GPAT3: variants seen among roughly 807,000 people sequenced by gnomAD.
GPAT3 encodes glycerol-3-phosphate acyltransferase 3.
GPAT3 carries 53 observed loss-of-function variants against 58.8 expected under a neutral mutation model. That is an observed-to-expected ratio of 0.90 (90% CI 0.72 to 1.13). The LOEUF (loss-of-function observed/expected upper bound fraction) is 1.13, where lower values mean the gene tolerates loss of function less well. GPAT3 is among the 50% of genes most tolerant of loss of function. The pLI is 0.00. For missense variants in GPAT3, 511 were observed against 527.6 expected (o/e 0.97, Z 0.31); for synonymous variants, 197 against 187.4 (o/e 1.05, Z -0.42).
chr4:83,545,125 G>A (rs1470346160), intron 2 of GPAT3, among the ~76,000 whole-genome samples: 1 of 152,112 alleles, frequency 6.6e-6, no homozygotes, highest in Non-Finnish European at 1.5e-5. Context: ...ACTAATAAAG[G>A]CTCAGAAAAG....
intron 2 of GPAT3, among the ~76,000 whole-genome samples, chr4:83,568,845 C>T (rs1459920530): frequency 6.6e-6 from 1 of 152,180 alleles, no homozygotes; most frequent in Non-Finnish European, 1.5e-5. Context: ...TCAATTCCCC[C>T]ACTTCCAATA....
intron 7 of GPAT3, 79 bp from the exon 8 acceptor site, chr4:83,596,779 T>G (rs1726857157): frequency 9.2e-7 from 1 of 1,083,240 alleles, no homozygotes. Flanking sequence ...ATTGTGCCAG[T>G]AAAGTGCAAG....
At chr4:83,566,248 A>G (rs943161800) in intron 2 of GPAT3, among the ~76,000 whole-genome samples, 1 of 152,222 alleles carries the variant, frequency 6.6e-6, no homozygotes, top group African/African-American at 2.4e-5. Flanking sequence ...CATGTTGACC[A>G]GGCTGGTCTG....
intron 1 of GPAT3, among the ~76,000 whole-genome samples, chr4:83,542,059 CAT>C (rs1312397186): frequency 6.6e-6 from 1 of 152,126 alleles, no homozygotes; most frequent in Non-Finnish European, 1.5e-5. Context: ...AGAGCTTCAA[CAT>C]ATGAATTTCG....
At chr4:83,585,567 T>A (rs1726346898) in intron 3 of GPAT3, among the ~76,000 whole-genome samples, 2 of 152,072 alleles carry the variant, frequency 1.3e-5, no homozygotes, top group Non-Finnish European at 2.9e-5. Flanking sequence ...GTGTTATTGA[T>A]GGAGTGTTTC....
Position 83,581,583 on chromosome 4 carries a change from C to G in GPAT3, c.230C>G (p.Ser77Ter). ...TAAGGTATTATCCAAAGAGATGAGT[C>G]ACCCATGGAAAAAGGGCTCTCTGGT... ...ASVGIIQRDE[S>*]PMEKGLSGLR... The change falls in exon 3 of 12, where the codon TCA (serine) becomes TGA (stop). Residue 77 changes from serine (S) to a stop codon, truncating the protein, a stop_gained. Transcript: ENST00000264409. LOFTEE classifies it high-confidence loss of function. 6.2e-7 allele frequency: 1 copy of G among 1,613,912 alleles called. No individual in the cohort carries two copies. The highest frequency in any genetic ancestry group is 8.5e-7 in the Non-Finnish European group (1 of 1,179,936).
At chr4:83,558,819 A>C (rs951916145) in intron 2 of GPAT3, among the ~76,000 whole-genome samples, 3 of 152,190 alleles carry the variant, frequency 2.0e-5, no homozygotes, top group African/African-American at 7.2e-5. Context: ...GGAAATTCTG[A>C]AGCCTGAAAA....
At chr4:83,590,706 T>C (rs1180976429) in intron 6 of GPAT3, among the ~76,000 whole-genome samples, 1 of 152,174 alleles carries the variant, frequency 6.6e-6, no homozygotes, top group Non-Finnish European at 1.5e-5. Flanking sequence ...GAAATCTGGC[T>C]CTTTAATGAG....
intron 3 of GPAT3, among the ~76,000 whole-genome samples, chr4:83,585,559 G>A (rs1726346369): frequency 6.6e-6 from 1 of 151,240 alleles, no homozygotes; most frequent in Non-Finnish European, 1.5e-5. Context: ...GTTCAGATGT[G>A]TTATTGATGG....
At chr4:83,578,985 T>TTTCTTTCCTTCC (rs1560620736) in intron 2 of GPAT3, among the ~76,000 whole-genome samples, 1 of 131,760 alleles carries the variant, frequency 7.6e-6, no homozygotes, top group East Asian at 2.1e-4. Flanking sequence ...TCTTTCTTTC[T>TTTCTTTCCTTCC]TTCCTTCCTT....
intron 2 of GPAT3, among the ~76,000 whole-genome samples, chr4:83,553,301 C>G (rs1320841308): frequency 6.6e-6 from 1 of 152,108 alleles, no homozygotes; most frequent in African/African-American, 2.4e-5. Context: ...AAGGAAGGCT[C>G]CCATCTAAGG....
In GPAT3 at chr4:83,545,586, T is replaced by A. The variant is rs1034398053; in HGVS notation, c.208+984T>A. Among the ~76,000 whole-genome samples the A allele has an allele frequency of 3.3e-5, 5 of 152,226 alleles. No individual in the cohort carries two copies. The East Asian group carries it at 9.6e-4, about 29-fold the overall frequency. ...AATATTTGAAAACATTGGAGTATTT[T>A]TGTATAATTGGATTATGATTTTCAA... On this transcript the variant is annotated intron_variant, in intron 2 of 11. Coordinates refer to ENST00000264409, the MANE Select transcript of GPAT3 (RefSeq NM_032717.5).
chr4:83,574,623 A>C (rs75444184), intron 2 of GPAT3, among the ~76,000 whole-genome samples: 6 of 70,796 alleles, frequency 8.5e-5, no homozygotes, highest in African/African-American at 2.9e-4. Flanking sequence ...AAGTAAAATG[A>C]ATTTTTTTTT....
chr4:83,539,001 G>C (rs891516891), intron 1 of GPAT3, among the ~76,000 whole-genome samples: 6 of 152,214 alleles, frequency 3.9e-5, no homozygotes, highest in Non-Finnish European at 8.8e-5. Context: ...TCCTATGTTT[G>C]GGAGCATCTG....
chr4:83,553,536 G>T (rs1724832279), intron 2 of GPAT3, among the ~76,000 whole-genome samples: 1 of 152,200 alleles, frequency 6.6e-6, no homozygotes, highest in Non-Finnish European at 1.5e-5. Context: ...CCCCTCAGCA[G>T]CTTGGAAGAG....
intron 3 of GPAT3, 54 bp from the exon 4 acceptor site, chr4:83,587,201 T>A: frequency 6.8e-7 from 1 of 1,459,868 alleles, no homozygotes; most frequent in Non-Finnish European, 9.5e-7. Context: ...AACTTTTTGG[T>A]TACTTCCATG....
At chr4:83,588,686 T>C (rs1726478545) in intron 5 of GPAT3, among the ~76,000 whole-genome samples, 1 of 152,226 alleles carries the variant, frequency 6.6e-6, no homozygotes, top group South Asian at 2.1e-4. Flanking sequence ...CATGTCTCTC[T>C]GATTTTAAAA....
rs1185047521 is a variant in GPAT3, at chr4:83,577,788, CTTTTTTTTTTTTT to C, written c.209-3760_209-3748del. Among the ~76,000 whole-genome samples the C allele has an allele frequency of 9.0e-5, 6 of 66,714 alleles. No homozygotes were observed. In the East Asian group the frequency reaches 2.6e-3, roughly 29 times the overall value. The allele number at this position is 66,714 out of a possible 152,430, so 43.8% of individuals were successfully genotyped here. On this transcript the variant is annotated intron_variant, in intron 2 of 11. Transcript: ENST00000264409. Reference sequence around the variant, plus strand: ...GGTATGAAGGAGTATGTCATTGTGGCTTTTTTTTTTTTTTTTTTTTTTTTTTGAGACAGGGTCT... The same window carrying C: ...GGTATGAAGGAGTATGTCATTGTGGCTTTTTTTTTTTTTGAGACAGGGTCT...
chr4:83,565,953 A>G (rs928705281), intron 2 of GPAT3, among the ~76,000 whole-genome samples: 2 of 152,182 alleles, frequency 1.3e-5, no homozygotes, highest in Non-Finnish European at 2.9e-5. Flanking sequence ...TAAACTACCT[A>G]AGATCTTTAA....
Sources: allele counts gnomAD v4.1 joint callset (sites outside exome capture counted in the v4.1 genomes callset), GRCh38; gene constraint gnomAD v4.1.1; transcripts MANE v1.5; gene names NCBI Gene and HGNC (gene_info 2026-07-23, HGNC 2026-07-21).